RNF216: variants seen among roughly 807,000 people sequenced by gnomAD.
RNF216 encodes ring finger protein 216.
Under a neutral mutation model 110.8 loss-of-function variants are expected in RNF216, and 72 were observed. That is an observed-to-expected ratio of 0.65 (90% CI 0.54 to 0.79). The LOEUF is 0.79. Among genes scored for constraint, RNF216 ranks in the 30% least tolerant of loss-of-function variants. The probability of loss-of-function intolerance (pLI) is 0.00; values close to 1 mark genes in which losing one functional copy is unlikely to be tolerated. For synonymous variants in RNF216, 495 were observed against 407.5 expected (o/e 1.21, Z -2.59); for missense variants, 1,342 against 1,141.2 (o/e 1.18, Z -2.54).
chr7:5,705,904 T>C (rs1316894800), intron 13 of RNF216, among the ~76,000 whole-genome samples: 1 of 141,400 alleles, frequency 7.1e-6, no homozygotes, highest in African/African-American at 2.7e-5. Context: ...CGAAACTCCA[T>C]CTCAACAAAA....
rs764421731 is a variant in RNF216 at position 5,712,887 on chromosome 7, GA to G, written c.1834-25del. The G allele has an allele frequency of 1.1e-4, 164 of 1,560,570 alleles. 1 individual carries two copies. The highest frequency in any genetic ancestry group is 1.4e-4 in the Admixed American group (7 of 49,940). On this transcript the variant is annotated intron_variant, in intron 11 of 16. Coordinates refer to ENST00000389902, the MANE Select transcript of RNF216 (RefSeq NM_207111.4). ...AACTAGAAAAAGGCGAAAAGGCAAA[GA>G]AAAAAAAATCAATACCATTTATAGA...
chr7:5,743,948 C>A (rs888341027), intron 3 of RNF216, among the ~76,000 whole-genome samples: 4 of 152,192 alleles, frequency 2.6e-5, no homozygotes, highest in Admixed American at 6.5e-5. Context: ...GAAACAACAT[C>A]ATACAGAATC....
At chr7:5,727,008 T>C (rs1173654148) in intron 7 of RNF216, among the ~76,000 whole-genome samples, 1 of 152,060 alleles carries the variant, frequency 6.6e-6, no homozygotes, top group Non-Finnish European at 1.5e-5. Context: ...TCAGGAAGAC[T>C]GGGTGGGACT....
intron 4 of RNF216, among the ~76,000 whole-genome samples, chr7:5,740,570 T>C (rs1042874684): frequency 1.3e-5 from 2 of 152,208 alleles, no homozygotes; most frequent in Non-Finnish European, 2.9e-5. Flanking sequence ...AAATTTTATT[T>C]AACTGTAAGA....
chr7:5,638,497 T>C (rs1038423822), intron 15 of RNF216, among the ~76,000 whole-genome samples: 9 of 152,160 alleles, frequency 5.9e-5, no homozygotes, highest in Non-Finnish European at 4.4e-5. Context: ...CTATGCCCAA[T>C]TACAGTGTAG....
rs760106512 is a variant in RNF216, at chr7:5,622,970, C to A, written c.2662G>T (p.Val888Leu). 2 of 1,613,862 alleles carry A rather than the reference C, an allele frequency of 1.2e-6. No individual in the cohort carries two copies. Among genetic ancestry groups the A allele is most frequent in the Non-Finnish European group, 1.7e-6 (2 of 1,179,992 alleles). Residue 888 changes from valine (V) to leucine (L), a missense_variant, in exon 17 of 17, where the codon GTG becomes TTG. Coordinates refer to ENST00000389902, the MANE Select transcript of RNF216 (RefSeq NM_207111.4). ...ACCCGCACGTTGGGCAGAGGGGGCA[C>A]GTACGGGGCTGGGATAGGCCCCATG... ...LNMGPIPAPY[V>L]PPLPNVRVNY...
Position 5,684,342 on chromosome 7 carries a change from C to T in RNF216, c.2061+27419G>A, listed in dbSNP as rs535532251. Among the ~76,000 whole-genome samples, 11 of 152,152 alleles carry T rather than the reference C, an allele frequency of 7.2e-5. 1 individual carries two copies. Among genetic ancestry groups the T allele is most frequent in the Middle Eastern group, 3.4e-3 (1 of 294 alleles). Reference sequence around the variant, plus strand: ...CAGGATGGTCTCGATCTCCTGACCTCGTGACCCACCTGCCTTGGCCTCCCA... The same window carrying T: ...CAGGATGGTCTCGATCTCCTGACCTTGTGACCCACCTGCCTTGGCCTCCCA... On this transcript the variant is annotated intron_variant, in intron 13 of 16. Transcript: ENST00000389902.
intron 13 of RNF216, among the ~76,000 whole-genome samples, chr7:5,663,637 G>A (rs951438733): frequency 6.8e-6 from 1 of 146,980 alleles, no homozygotes; most frequent in African/African-American, 2.5e-5. Context: ...ACAGTGGTTC[G>A]TGCCTGTAAT....
At chr7:5,634,723 T>C (rs1468711305) in intron 15 of RNF216, among the ~76,000 whole-genome samples, 2 of 152,218 alleles carry the variant, frequency 1.3e-5, no homozygotes, top group African/African-American at 2.4e-5. Flanking sequence ...AATGTGGCCA[T>C]GTTTTGCGTC....
At chr7:5,632,385 G>A (rs1323356712) in intron 15 of RNF216, among the ~76,000 whole-genome samples, 1 of 152,230 alleles carries the variant, frequency 6.6e-6, no homozygotes, top group African/African-American at 2.4e-5. Context: ...CCTAATCCCA[G>A]TGAAAACTTT....
Position 5,696,332 on chromosome 7 carries a change from G to T in RNF216, c.2061+15429C>A, listed in dbSNP as rs1562400905. Among the ~76,000 whole-genome samples, 1 of 152,222 alleles carries T rather than the reference G, an allele frequency of 6.6e-6. No homozygotes were observed. Among genetic ancestry groups the T allele is most frequent in the Non-Finnish European group, 1.5e-5 (1 of 68,042 alleles). Reference sequence around the variant, plus strand: ...AGAAATTAAGCTGATCTGAGTGAGAGAAATTAAGCTTATTCGACATGCCTT... The same window carrying T: ...AGAAATTAAGCTGATCTGAGTGAGATAAATTAAGCTTATTCGACATGCCTT... On this transcript the variant is annotated intron_variant, in intron 13 of 16. Coordinates refer to ENST00000389902, the MANE Select transcript of RNF216 (RefSeq NM_207111.4). The surrounding 1 kb of genome is among the most constrained non-coding windows in gnomAD (Gnocchi z 5.4).
intron 5 of RNF216, among the ~76,000 whole-genome samples, chr7:5,737,881 G>T (rs1226892594): frequency 1.3e-5 from 2 of 151,882 alleles, no homozygotes; most frequent in Non-Finnish European, 2.9e-5. Context: ...TGAGGTCAGG[G>T]TTTCAAGACC....
chr7:5,662,312 G>C (rs939114327), intron 13 of RNF216: 2 of 152,176 alleles, frequency 1.3e-5, no homozygotes, highest in Non-Finnish European at 2.9e-5. Flanking sequence ...TGGCGGTATA[G>C]CAAAAGGAAG....
intron 9 of RNF216, among the ~76,000 whole-genome samples, chr7:5,719,560 G>C (rs529674355): frequency 1.3e-5 from 2 of 152,292 alleles, no homozygotes; most frequent in Admixed American, 1.3e-4. Context: ...ATGGGACAAT[G>C]TGAATATCAC....
intron 1 of RNF216, among the ~76,000 whole-genome samples, chr7:5,779,420 G>A (rs765615906): frequency 1.3e-5 from 2 of 151,976 alleles, no homozygotes; most frequent in Admixed American, 6.6e-5. Flanking sequence ...CACCCCAGGC[G>A]CAATAAATTA....
intron 5 of RNF216, among the ~76,000 whole-genome samples, chr7:5,733,663 CAAAAAAAAA>C (rs75175715): frequency 8.8e-6 from 1 of 113,806 alleles, no homozygotes; most frequent in African/African-American, 3.6e-5. Flanking sequence ...AAACATTAAC[CAAAAAAAAA>C]AAAAAAAGGA....
At chr7:5,768,679 T>TG (rs201465706) in intron 1 of RNF216, among the ~76,000 whole-genome samples, 61 of 151,236 alleles carry the variant, frequency 4.0e-4, no homozygotes, top group African/African-American at 1.1e-3. Flanking sequence ...TTTTTTTTTT[T>TG]GGGACAGAGT....
intron 13 of RNF216, among the ~76,000 whole-genome samples, chr7:5,657,043 G>T (rs1773436444): frequency 6.6e-6 from 1 of 152,224 alleles, no homozygotes; most frequent in Non-Finnish European, 1.5e-5. Flanking sequence ...CACCTGGAAG[G>T]TGTCCGTCCC....
At chr7:5,688,388 C>G (rs1791117227) in intron 13 of RNF216, among the ~76,000 whole-genome samples, 1 of 152,184 alleles carries the variant, frequency 6.6e-6, no homozygotes, top group Non-Finnish European at 1.5e-5. Flanking sequence ...CCCAGCTACA[C>G]CTCTTTTCTA....
Sources: gnomAD v4.1 joint callset for allele counts (sites outside exome capture counted in the v4.1 genomes callset) on GRCh38, gnomAD v4.1.1 for gene constraint, Gnocchi (gnomAD v3.1) non-coding constraint, MANE v1.5 for transcripts, NCBI Gene and HGNC (gene_info 2026-07-23, HGNC 2026-07-21) for gene names.